The following BARD1 variants were observed in gnomAD, a reference collection of about 807,000 sequenced individuals.
BARD1 encodes BRCA1-associated RING domain protein 1.
A neutral mutation model predicts 77.0 loss-of-function variants in BARD1; 73 were observed. The ratio of observed to expected loss-of-function variants is 0.95; its 90% CI spans 0.79 to 1.15. The LOEUF is 1.15. BARD1 is among the 50% of genes most tolerant of loss of function. BARD1 has a pLI of 0.00. For missense variants in BARD1, 993 were observed against 938.8 expected (o/e 1.06, Z -0.75); for synonymous variants, 384 against 338.0 (o/e 1.14, Z -1.49).
chr2:214,739,658 G>A (rs1692724422), intron 9 of BARD1, among the ~76,000 whole-genome samples: 1 of 152,022 alleles, frequency 6.6e-6, no homozygotes, highest in Admixed American at 6.5e-5. Context: ...ATAGCGAAAA[G>A]TGAAAGGACA....
chr2:214,740,378 T>C (rs1692765686), intron 9 of BARD1, among the ~76,000 whole-genome samples: 1 of 148,998 alleles, frequency 6.7e-6, no homozygotes, highest in South Asian at 2.2e-4. Context: ...CAATTATTAT[T>C]ACAACTTGAA....
chr2:214,728,730 C>T lies in BARD1; in HGVS notation c.2280G>A (p.Ser760=), dbSNP rs749959440. The change falls in exon 11 of 11, where the codon TCG becomes TCA. Residue 760 remains serine, a synonymous_variant. Coordinates refer to ENST00000260947, the MANE Select transcript of BARD1 (RefSeq NM_000465.4). ...ACATCACACAGTCTATAAACCAGCT[C>T]GAAGGAGCCTTCCAGACTTTGCCCT... The part of the protein sequence containing the change: ...VRQGKVWKAP[S]SWFIDCVMSF... 29 of 1,614,008 alleles carry T rather than the reference C, an allele frequency of 1.8e-5. No homozygotes were observed. Among genetic ancestry groups the T allele is most frequent in the Admixed American group, 3.3e-5 (2 of 60,010 alleles).
chr2:214,803,364 A>T (rs1223154480), intron 1 of BARD1, among the ~76,000 whole-genome samples: 1 of 152,198 alleles, frequency 6.6e-6, no homozygotes, highest in Non-Finnish European at 1.5e-5. Flanking sequence ...CAGTTGAGAC[A>T]AGAGGAAGGC....
At chr2:214,787,928 C>A (rs1695346643) in intron 3 of BARD1, among the ~76,000 whole-genome samples, 1 of 151,894 alleles carries the variant, frequency 6.6e-6, no homozygotes, top group Non-Finnish European at 1.5e-5. Context: ...TATTAAAAAT[C>A]AAAGGAAAGT....
At chr2:214,784,149 A>AAT (rs1559429000) in intron 3 of BARD1, among the ~76,000 whole-genome samples, 1 of 152,230 alleles carries the variant, frequency 6.6e-6, no homozygotes. Context: ...ACAAAGGACT[A>AAT]ATATCCAGAA....
chr2:214,735,334 CGT>C (rs1491581406), intron 9 of BARD1, among the ~76,000 whole-genome samples: 3 of 152,042 alleles, frequency 2.0e-5, no homozygotes, highest in Admixed American at 2.0e-4. Context: ...TTGTTTACAG[CGT>C]GAGAGCTGAA....
intron 3 of BARD1, among the ~76,000 whole-genome samples, chr2:214,788,786 G>A (rs1695389877): frequency 6.6e-6 from 1 of 151,984 alleles, no homozygotes; most frequent in Non-Finnish European, 1.5e-5. Flanking sequence ...AAGACCAACT[G>A]TCATTTGTCC....
chr2:214,784,523 C>T (rs1405765805), intron 3 of BARD1, among the ~76,000 whole-genome samples: 1 of 152,136 alleles, frequency 6.6e-6, no homozygotes, highest in Admixed American at 6.5e-5. Context: ...AATCTCATTA[C>T]TGGGTATATA....
At chr2:214,751,151 A>ATATATTTTTTTT (rs1693429141) in intron 7 of BARD1, among the ~76,000 whole-genome samples, 1 of 37,188 alleles carries the variant, frequency 2.7e-5, no homozygotes, top group Non-Finnish European at 4.6e-5. Flanking sequence ...ATATATATAT[A>ATATATTTTTTTT]TTTTTTTTTT....
chr2:214,795,938 A>G (rs1488199997), intron 2 of BARD1, among the ~76,000 whole-genome samples: 6 of 152,136 alleles, frequency 3.9e-5, no homozygotes, highest in Admixed American at 6.6e-5. Flanking sequence ...TATCCCTCGT[A>G]TAACAGATCT....
intron 6 of BARD1, among the ~76,000 whole-genome samples, chr2:214,755,548 A>C (rs116817019): frequency 6.6e-6 from 1 of 152,172 alleles, no homozygotes; most frequent in African/African-American, 2.4e-5. Context: ...AAACCCAAAC[A>C]AGTAATGAGG....
chr2:214,804,237 G>C (rs538421408), intron 1 of BARD1, among the ~76,000 whole-genome samples: 3 of 152,184 alleles, frequency 2.0e-5, no homozygotes, highest in Admixed American at 1.3e-4. Flanking sequence ...TAATGACATG[G>C]AACCTATAGG....
At chr2:214,761,071 T>TA (rs11437639) in intron 6 of BARD1, among the ~76,000 whole-genome samples, 61,445 of 145,840 alleles carry the variant, frequency 0.42, 12,633 homozygotes, top group South Asian at 0.5. Context: ...CTTGATGGGA[T>TA]AAAAAAAAAA....
intron 4 of BARD1, 64 bp from the exon 5 acceptor site, chr2:214,769,376 T>C: frequency 8.2e-7 from 1 of 1,225,522 alleles, no homozygotes; most frequent in Non-Finnish European, 1.2e-6. Flanking sequence ...TATTGAGCTT[T>C]TTTAAATGCT....
intron 4 of BARD1, among the ~76,000 whole-genome samples, chr2:214,772,375 C>G (rs568944011): frequency 3.9e-5 from 6 of 152,194 alleles, no homozygotes; most frequent in Admixed American, 1.3e-4. Flanking sequence ...CACACATTCC[C>G]TATCTTTAAC....
intron 4 of BARD1, among the ~76,000 whole-genome samples, chr2:214,780,030 A>G (rs1300588314): frequency 1.3e-5 from 2 of 152,190 alleles, no homozygotes; most frequent in Non-Finnish European, 2.9e-5. Flanking sequence ...CAGGTCAGTA[A>G]AAGGAACAGC....
In BARD1 at chr2:214,809,641, T is replaced by C; in HGVS notation, c.-72A>G. Reference sequence around the variant, plus strand: ...AAGCCTCGGGAAACCACAGGGAAGCTGCAGGCCAGCGACTCGAAACCGGCC... The same window carrying C: ...AAGCCTCGGGAAACCACAGGGAAGCCGCAGGCCAGCGACTCGAAACCGGCC... On this transcript the variant is annotated 5_prime_UTR_variant, in exon 1 of 11. Transcript: ENST00000260947. 6.6e-7 allele frequency: 1 copy of C among 1,508,566 alleles called. No individual in the cohort carries two copies. Among genetic ancestry groups the C allele is most frequent in the Non-Finnish European group, 8.9e-7 (1 of 1,125,232 alleles). 93.4% of individuals were successfully genotyped at this position (1,508,566 alleles called of 1,614,324 possible).
chr2:214,754,837 T>C (rs533651472), intron 6 of BARD1, among the ~76,000 whole-genome samples: 2 of 152,262 alleles, frequency 1.3e-5, no homozygotes, highest in South Asian at 4.1e-4. Flanking sequence ...GGAAAGATAA[T>C]CAGTTTACCT....
chr2:214,797,248 T>G, intron 1 of BARD1, 131 bp from the exon 2 acceptor site: 1 of 793,428 alleles, frequency 1.3e-6, no homozygotes, highest in Non-Finnish European at 2.3e-6. Flanking sequence ...TAAGGATGCA[T>G]TCATTTGAAA....
Sources: allele counts gnomAD v4.1 joint callset (sites outside exome capture counted in the v4.1 genomes callset), GRCh38; gene constraint gnomAD v4.1.1; transcripts MANE v1.5; gene names NCBI Gene and HGNC (gene_info 2026-07-23, HGNC 2026-07-21).